CUX1: variants seen among roughly 807,000 people sequenced by gnomAD.
The protein encoded by CUX1 is protein CASP.
Under a neutral mutation model 158.8 loss-of-function variants are expected in CUX1, and 31 were observed. That is an observed-to-expected ratio of 0.20 (90% CI 0.15 to 0.26). The LOEUF (loss-of-function observed/expected upper bound fraction) is 0.26. CUX1 is among the 10% of genes least tolerant of loss of function. The pLI is 1.00. For synonymous variants in CUX1, 879 were observed against 862.1 expected (o/e 1.02, Z -0.34); for missense variants, 1,589 against 2,014.6 (o/e 0.79, Z 4.04).
intron 5 of CUX1, among the ~76,000 whole-genome samples, chr7:102,101,149 T>C (rs1829728050): frequency 1.3e-5 from 2 of 152,154 alleles, no homozygotes; most frequent in South Asian, 4.1e-4. Flanking sequence ...CTTCCAACAC[T>C]GGAGATCAGA....
At chr7:102,229,847 T>A (rs1473620570) in intron 21 of CUX1, among the ~76,000 whole-genome samples, 2 of 149,430 alleles carry the variant, frequency 1.3e-5, no homozygotes, top group Non-Finnish European at 3.0e-5. Flanking sequence ...CGAATTGGCC[T>A]CTGGCCTCAG....
chr7:102,033,722 G>A (rs1821067560), intron 3 of CUX1, among the ~76,000 whole-genome samples: 1 of 152,156 alleles, frequency 6.6e-6, no homozygotes, highest in African/African-American at 2.4e-5. Flanking sequence ...TCATGAAATA[G>A]AGAGTTCTCA....
intron 9 of CUX1, among the ~76,000 whole-genome samples, chr7:102,166,162 G>A (rs1021707228): frequency 6.6e-6 from 1 of 152,190 alleles, no homozygotes; most frequent in African/African-American, 2.4e-5. Context: ...GAGCCCCGTG[G>A]CCACCAGTCC....
At chr7:102,001,196 A>T (rs1048329094) in intron 2 of CUX1, among the ~76,000 whole-genome samples, 2 of 152,134 alleles carry the variant, frequency 1.3e-5, no homozygotes, top group African/African-American at 4.8e-5. Context: ...TGCCTTCTAG[A>T]TATGGGCTGG....
rs1484133562 is a variant in CUX1, at chr7:102,005,142, C to G, written c.142-22956C>G. Among the ~76,000 whole-genome samples the G allele has an allele frequency of 2.0e-5, 3 of 152,256 alleles. No homozygotes were observed. In the East Asian group the frequency reaches 5.8e-4, roughly 30 times the overall value. Reference sequence around the variant, plus strand: ...TCTGTCAGCTTCTACCCAGAAGTACCTGGGAGTCGGGGGTTTTGCTGTGTC... The same window carrying G: ...TCTGTCAGCTTCTACCCAGAAGTACGTGGGAGTCGGGGGTTTTGCTGTGTC... On this transcript the variant is annotated intron_variant, in intron 2 of 23. Coordinates refer to ENST00000292535, the MANE Select transcript of CUX1 (RefSeq NM_181552.4).
chr7:101,973,419 G>A (rs567565180), intron 2 of CUX1, among the ~76,000 whole-genome samples: 1 of 152,312 alleles, frequency 6.6e-6, no homozygotes, highest in African/African-American at 2.4e-5. Flanking sequence ...CCAGTGCAAC[G>A]CCAGGACAGT....
intron 2 of CUX1, among the ~76,000 whole-genome samples, chr7:101,953,736 G>A (rs1447732694): frequency 6.6e-6 from 1 of 152,168 alleles, no homozygotes; most frequent in Non-Finnish European, 1.5e-5. Context: ...AGTCGGGCCT[G>A]GCGATGTCTG....
chr7:102,069,923 G>A (rs540822776), intron 3 of CUX1, among the ~76,000 whole-genome samples: 24 of 152,298 alleles, frequency 1.6e-4, no homozygotes, highest in African/African-American at 5.8e-4. Context: ...TTAATTACTT[G>A]TTAATTACAT....
chr7:102,165,654 A>G (rs1310402603), intron 9 of CUX1, among the ~76,000 whole-genome samples: 1 of 152,078 alleles, frequency 6.6e-6, no homozygotes, highest in African/African-American at 2.4e-5. Context: ...CGTGAGCCAC[A>G]GCACCCAGCA....
intron 1 of CUX1, among the ~76,000 whole-genome samples, chr7:101,829,320 G>A (rs1478712655): frequency 5.9e-5 from 9 of 152,166 alleles, no homozygotes; most frequent in Non-Finnish European, 1.5e-5. Context: ...GACAAGACAG[G>A]AGCTTTTCTA....
intron 2 of CUX1, among the ~76,000 whole-genome samples, chr7:101,992,233 G>T (rs1257557490): frequency 6.6e-6 from 1 of 152,144 alleles, no homozygotes; most frequent in Admixed American, 6.5e-5. Context: ...AGTGGGACGG[G>T]GTTGGGGGGC....
intron 4 of CUX1, among the ~76,000 whole-genome samples, chr7:102,090,366 CG>C (rs782517874): frequency 2.7e-4 from 40 of 150,416 alleles, no homozygotes; most frequent in African/African-American, 8.6e-4. Flanking sequence ...TCCATGATAC[CG>C]TTTTTTTTTT....
rs1445724942 is a variant in CUX1 at position 102,251,878 on chromosome 7, A to T, written c.*2836A>T. 1.0e-6 allele frequency: 1 copy of T among 985,342 alleles called. No homozygotes were observed. The highest frequency in any genetic ancestry group is 1.2e-6 in the Non-Finnish European group (1 of 829,940). The allele number at this position is 985,342 out of a possible 1,614,324, so 61.0% of individuals were successfully genotyped here. ...GGTGTTAAATCTGAGGAAATTGACA[A>T]ATACAGATTTGTCCATTCTAGTGGC... is the stretch of plus-strand genomic sequence containing the variant. On this transcript the variant is annotated 3_prime_UTR_variant, in exon 24 of 24. Transcript: ENST00000292535.
intron 8 of CUX1, among the ~76,000 whole-genome samples, chr7:102,147,619 A>G (rs1335958733): frequency 3.3e-5 from 5 of 152,166 alleles, no homozygotes; most frequent in Admixed American, 6.5e-5. Flanking sequence ...AAAGAATTCT[A>G]CCCTTTCTGC....
At chr7:102,273,282 G>A (rs1253911050) in intron 14 of CUX1, 32 of 1,537,600 alleles carry the variant, frequency 2.1e-5, no homozygotes, top group South Asian at 1.3e-4. Context: ...CTTCCAGACC[G>A]TGGGTTGGAG....
chr7:102,273,330 G>A, intron 14 of CUX1: 1 of 1,603,396 alleles, frequency 6.2e-7, no homozygotes, highest in Non-Finnish European at 8.5e-7. Flanking sequence ...GTCCCACCAG[G>A]CTCCCTCTGA....
At position 102,250,731 on chromosome 7, in the gene CUX1, T is replaced by G; in HGVS notation, c.*1689T>G. 1.0e-6 allele frequency: 1 copy of G among 985,392 alleles called. No individual in the cohort carries two copies. Among genetic ancestry groups the G allele is most frequent in the Non-Finnish European group, 1.2e-6 (1 of 829,928 alleles). The allele number at this position is 985,392 out of a possible 1,614,324, so 61.0% of individuals were successfully genotyped here. A position where few individuals can be genotyped will look rare whatever the true frequency, so the allele number is the denominator to read the frequency against. Reference sequence around the variant, plus strand: ...ACTGAAAGTCTAACTTGTCTCTGATTCCTCCCTTGTCTATGTGTATATGCG... The same window carrying G: ...ACTGAAAGTCTAACTTGTCTCTGATGCCTCCCTTGTCTATGTGTATATGCG... On this transcript the variant is annotated 3_prime_UTR_variant, in exon 24 of 24. Coordinates refer to ENST00000292535, the MANE Select transcript of CUX1 (RefSeq NM_181552.4).
intron 8 of CUX1, among the ~76,000 whole-genome samples, chr7:102,151,163 T>G (rs1554503462): frequency 6.6e-6 from 1 of 152,216 alleles, no homozygotes; most frequent in Non-Finnish European, 1.5e-5. Context: ...TATTAACCCC[T>G]GGGCATTTTT....
At chr7:102,238,333 T>C (rs1383324175) in intron 22 of CUX1, among the ~76,000 whole-genome samples, 1 of 152,212 alleles carries the variant, frequency 6.6e-6, no homozygotes, top group African/African-American at 2.4e-5. Context: ...GCGTTACCTC[T>C]AGACCAAGGA....
Sources: allele counts gnomAD v4.1 joint callset (sites outside exome capture counted in the v4.1 genomes callset), GRCh38; gene constraint gnomAD v4.1.1; transcripts MANE v1.5; gene names NCBI Gene and HGNC (gene_info 2026-07-23, HGNC 2026-07-21).